The following HMCN2 variants were observed in gnomAD, a reference collection of about 807,000 sequenced individuals.
HMCN2 encodes the protein hemicentin 2.
A neutral mutation model predicts 377.5 loss-of-function variants in HMCN2; 325 were observed. The ratio of observed to expected loss-of-function variants is 0.86; its 90% CI spans 0.79 to 0.94. The LOEUF (loss-of-function observed/expected upper bound fraction) is 0.94. Among genes scored for constraint, HMCN2 ranks in the 40% least tolerant of loss-of-function variants. HMCN2 has a pLI of 0.00. For synonymous variants in HMCN2, 2,007 were observed against 2,046.8 expected (o/e 0.98, Z 0.53); for missense variants, 4,543 against 4,725.3 (o/e 0.96, Z 1.13).
chr9:130,349,102 C>G lies in HMCN2; in HGVS notation c.4274C>G (p.Ala1425Gly). Reference sequence around the variant, plus strand: ...CGGGCAGAGAACCAGGCTGGCACCGCCCAGAGGGACTTCCATCTCCTTGTG... The same window carrying G: ...CGGGCAGAGAACCAGGCTGGCACCGGCCAGAGGGACTTCCATCTCCTTGTG... ...SCRAENQAGTAQRDFHLLVLT... is the reference protein window; with the variant it reads ...SCRAENQAGTGQRDFHLLVLT... Residue 1425 changes from alanine (A) to glycine (G), a missense_variant, in exon 28 of 98, where the codon GCC (alanine) becomes GGC (glycine). This residue lies in a region of HMCN2 where 1,032 missense variants were observed against 1,285.1 expected (regional missense o/e 0.80). Coordinates refer to ENST00000683500, the MANE Select transcript of HMCN2 (RefSeq NM_001291815.2). 3.8e-6 allele frequency: 5 copies of G among 1,304,194 alleles called. No homozygotes were observed. Among genetic ancestry groups the G allele is most frequent in the Non-Finnish European group, 5.1e-6 (5 of 988,928 alleles). 80.8% of individuals were successfully genotyped at this position (1,304,194 alleles called of 1,614,324 possible). A position where few individuals can be genotyped will look rare whatever the true frequency, so the allele number is the denominator to read the frequency against.
In HMCN2 at chr9:130,277,877, CCACCATCATCAT is replaced by C. The variant is rs1554923805; in HGVS notation, c.260-6720_260-6709del. On this transcript the variant is annotated intron_variant, in intron 1 of 97. Transcript: ENST00000683500. ...ACCACCACCATCATCATCATCACCA[CCACCATCATCAT>C]CACCACCACCATCATCATCACCACC... 4.8e-4 allele frequency among the ~76,000 whole-genome samples: 16 copies of C among 33,082 alleles called. 4 individuals are homozygous for C. The highest frequency in any genetic ancestry group is 3.7e-3 in the South Asian group (2 of 534). The allele number at this position is 33,082 out of a possible 152,430, so 21.7% of individuals were successfully genotyped here.
intron 32 of HMCN2, among the ~76,000 whole-genome samples, chr9:130,355,280 C>T (rs1839966469): frequency 6.6e-6 from 1 of 152,192 alleles, no homozygotes; most frequent in Non-Finnish European, 1.5e-5. Flanking sequence ...GCCCAGGACC[C>T]TGGGCTGGGT....
In HMCN2 at chr9:130,388,465, C is replaced by T. The variant is rs1842130169; in HGVS notation, c.9448C>T (p.Pro3150Ser). The change falls in exon 62 of 98, where the codon CCC (proline) becomes TCC (serine). Residue 3150 changes from proline (P) to serine (S), a missense_variant. Physicochemically the swap from Pro to Ser is moderately conservative, Grantham distance 74. Transcript: ENST00000683500. ...TETVSQVAGS[P>S]LVLTCDVSGV... Reference sequence around the variant, plus strand: ...GACAGTGAGCCAGGTGGCTGGGAGCCCCCTGGTCCTGACCTGTGATGTGTC... The same window carrying T: ...GACAGTGAGCCAGGTGGCTGGGAGCTCCCTGGTCCTGACCTGTGATGTGTC... 1.0e-6 allele frequency: 1 copy of T among 987,996 alleles called. No individual in the cohort carries two copies. Among genetic ancestry groups the T allele is most frequent in the Non-Finnish European group, 1.2e-6 (1 of 830,126 alleles). The allele number at this position is 987,996 out of a possible 1,614,324, so 61.2% of individuals were successfully genotyped here.
Position 130,362,874 on chromosome 9 carries a change from C to G in HMCN2, c.6116C>G (p.Pro2039Arg). The G allele has an allele frequency of 2.0e-6, 2 of 985,912 alleles. No individual in the cohort carries two copies. The highest frequency in any genetic ancestry group is 2.4e-6 in the Non-Finnish European group (2 of 829,956). 61.1% of individuals were successfully genotyped at this position (985,912 alleles called of 1,614,324 possible). ...PAGTPGLQVF[P>R]GGRVLTLASA... ...TTCCCCCTGGGGTCACAGGTCTTCC[C>G]TGGGGGCCGGGTCCTCACCTTGGCT... Residue 2039 changes from proline to arginine, a missense_variant, in exon 40 of 98, where the codon CCT becomes CGT. Physicochemically the swap from Pro to Arg is moderately radical, Grantham distance 103. This residue lies in a region of HMCN2 where 1,032 missense variants were observed against 1,285.1 expected (regional missense o/e 0.80). Coordinates refer to ENST00000683500, the MANE Select transcript of HMCN2 (RefSeq NM_001291815.2).
chr9:130,383,462 G>A (rs1841842477), intron 56 of HMCN2, 42 bp from the exon 57 acceptor site: 1 of 910,906 alleles, frequency 1.1e-6, no homozygotes, highest in Non-Finnish European at 1.3e-6. Context: ...GGTGTCCAAG[G>A]GGTCTCAGGT....
intron 8 of HMCN2, among the ~76,000 whole-genome samples, chr9:130,301,382 C>G (rs1564763161): frequency 6.6e-6 from 1 of 152,238 alleles, no homozygotes; most frequent in African/African-American, 2.4e-5. Flanking sequence ...TGTTCTCTAT[C>G]TCAGCTCTAG....
At chr9:130,322,135 A>G (rs1289734540) in intron 19 of HMCN2, among the ~76,000 whole-genome samples, 1 of 152,128 alleles carries the variant, frequency 6.6e-6, no homozygotes, top group Non-Finnish European at 1.5e-5. Context: ...CAGATTTTGC[A>G]TTTTGGCATG....
intron 83 of HMCN2, 88 bp downstream of exon 83, chr9:130,407,793 T>C: frequency 9.7e-7 from 1 of 1,031,690 alleles, no homozygotes; most frequent in Non-Finnish European, 1.2e-6. Flanking sequence ...CCCAGCCTCC[T>C]GTCCTCTGAA....
rs1035835041 is a variant in HMCN2, at chr9:130,376,538, C to T, written c.7941C>T (p.Asp2647=). ...EVLIPPSISK[D]DPLAEVGVKE... is the part of the protein sequence containing the mutation. ...CAGTCCCCCCTTCCATCTCCAAAGA[C>T]GACCCCTTGGCGGAGGTCGGCGTGA... Residue 2647 remains aspartate, a synonymous_variant, in exon 52 of 98, where the codon GAC becomes GAT. Transcript: ENST00000683500. The T allele has an allele frequency of 1.1e-5, 11 of 985,774 alleles. No homozygotes were observed. Among genetic ancestry groups the T allele is most frequent in the Admixed American group, 6.1e-5 (1 of 16,268 alleles). 61.1% of individuals were successfully genotyped at this position (985,774 alleles called of 1,614,324 possible). A position where few individuals can be genotyped will look rare whatever the true frequency, so the allele number is the denominator to read the frequency against.
Position 130,328,222 on chromosome 9 carries a change from G to T in HMCN2, c.3359+747G>T, listed in dbSNP as rs1039713273. On this transcript the variant is annotated intron_variant, in intron 22 of 97. Coordinates refer to ENST00000683500, the MANE Select transcript of HMCN2 (RefSeq NM_001291815.2). ...CAATCCTTGCAGCCGGGCACCCCTA[G>T]AGGTGGCGGGGACCCAGGGAGCCGG... 1.4e-3 allele frequency among the ~76,000 whole-genome samples: 210 copies of T among 152,336 alleles called. 2 individuals carry two copies. Among genetic ancestry groups the T allele is most frequent in the African/African-American group, 4.7e-3 (194 of 41,584 alleles).
intron 4 of HMCN2, among the ~76,000 whole-genome samples, chr9:130,292,012 C>A (rs1378246241): frequency 2.2e-5 from 3 of 133,598 alleles, no homozygotes; most frequent in African/African-American, 8.8e-5. Flanking sequence ...CTTGTGGTGG[C>A]ATTCACTTTT....
chr9:130,316,729 G>T (rs1339883957), intron 15 of HMCN2, among the ~76,000 whole-genome samples: 1 of 152,224 alleles, frequency 6.6e-6, no homozygotes, highest in Non-Finnish European at 1.5e-5. Context: ...CGGTGGCCAT[G>T]GAACCAGCTC....
At position 130,395,017 on chromosome 9, in the gene HMCN2, C is replaced by A; in HGVS notation, c.10693-10C>A. The A allele has an allele frequency of 3.1e-6, 4 of 1,282,144 alleles. No individual in the cohort carries two copies. Among genetic ancestry groups the A allele is most frequent in the Non-Finnish European group, 4.1e-6 (4 of 984,264 alleles). 79.4% of individuals were successfully genotyped at this position (1,282,144 alleles called of 1,614,324 possible). On this transcript the variant is annotated splice_polypyrimidine_tract_variant and intron_variant, in intron 69 of 97. Transcript: ENST00000683500. Reference sequence around the variant, plus strand: ...GCCAGGGGCAGCTGCTCAACCCGCTCCATCCCCAGGTTAGGGATGCTGGGC... The same window carrying A: ...GCCAGGGGCAGCTGCTCAACCCGCTACATCCCCAGGTTAGGGATGCTGGGC...
intron 19 of HMCN2, among the ~76,000 whole-genome samples, chr9:130,324,568 GTTTA>G (rs1232430968): frequency 1.5e-4 from 23 of 152,138 alleles, no homozygotes; most frequent in African/African-American, 5.5e-4. Flanking sequence ...TCTTGGTGGT[GTTTA>G]TTTGTTTTAT....
At position 130,423,266 on chromosome 9, in the gene HMCN2, G is replaced by A. The variant is rs1163059918; in HGVS notation, c.13381+540G>A. Among the ~76,000 whole-genome samples the A allele has an allele frequency of 6.6e-6, 1 of 152,210 alleles. No individual in the cohort carries two copies. The highest frequency in any genetic ancestry group is 1.5e-5 in the Non-Finnish European group (1 of 68,036). ...GCTCTGAGAGACTTGCAGAGCTTGTGACAGTGGACGTCACTGTCTCTCCCT... is the reference window on the plus strand; with the variant it reads ...GCTCTGAGAGACTTGCAGAGCTTGTAACAGTGGACGTCACTGTCTCTCCCT... On this transcript the variant is annotated intron_variant, in intron 87 of 97. Coordinates refer to ENST00000683500, the MANE Select transcript of HMCN2 (RefSeq NM_001291815.2). This position sits in a 1 kb window ranked among gnomAD's most constrained non-coding sequence, Gnocchi z 5.5.
intron 36 of HMCN2, 47 bp downstream of exon 36, chr9:130,358,533 A>G (rs1441422378): frequency 7.7e-7 from 1 of 1,303,630 alleles, no homozygotes; most frequent in Non-Finnish European, 1.0e-6. Context: ...ATGTTGGGTG[A>G]TCCCTTGGGG....
rs1335349258 is a variant in HMCN2, at chr9:130,404,960, G to A, written c.12240G>A (p.Glu4080=). ...CTTGCAAGGCGAGGGGCAGTCCTGA[G>A]CCCAACATCACCTGGGACAAAGATG... ...FLPCKARGSP[E]PNITWDKDGQ... The change falls in exon 81 of 98, where the codon GAG becomes GAA. Residue 4080 remains glutamate (E), a synonymous_variant. Coordinates refer to ENST00000683500, the MANE Select transcript of HMCN2 (RefSeq NM_001291815.2). 1 of 1,289,506 alleles carries A rather than the reference G, an allele frequency of 7.8e-7. No homozygotes were observed. Among genetic ancestry groups the A allele is most frequent in the Non-Finnish European group, 1.0e-6 (1 of 988,724 alleles). 79.9% of individuals were successfully genotyped at this position (1,289,506 alleles called of 1,614,324 possible).
In HMCN2 at chr9:130,318,665, A is replaced by G. The variant is rs957437858; in HGVS notation, c.2351-830A>G. Among the ~76,000 whole-genome samples the G allele has an allele frequency of 5.9e-5, 9 of 152,216 alleles. No individual in the cohort carries two copies. The South Asian group carries it at 1.5e-3, about 25-fold the overall frequency. ...TTAGGGGAATCTCTGCCCTTTGTGT[A>G]TTATTAGAATGTCTTATAACTCCTG... On this transcript the variant is annotated intron_variant, in intron 15 of 97. Transcript: ENST00000683500.
At position 130,374,595 on chromosome 9, in the gene HMCN2, A is replaced by C; in HGVS notation, c.7532A>C (p.Gln2511Pro). 1 of 985,792 alleles carries C rather than the reference A, an allele frequency of 1.0e-6. No homozygotes were observed. The highest frequency in any genetic ancestry group is 1.2e-6 in the Non-Finnish European group (1 of 829,946). 61.1% of individuals were successfully genotyped at this position (985,792 alleles called of 1,614,324 possible). Reference sequence around the variant, plus strand: ...ATCTCCCCAGACGGAGTCCTCCTGCAGGTCCTCCAGGCAAACCTGTCCAGT... The same window carrying C: ...ATCTCCCCAGACGGAGTCCTCCTGCCGGTCCTCCAGGCAAACCTGTCCAGT... ...HHISPDGVLLQVLQANLSSAG... is the reference protein window; with the variant it reads ...HHISPDGVLLPVLQANLSSAG... Residue 2511 changes from glutamine to proline, a missense_variant, in exon 49 of 98, where the codon CAG (glutamine) becomes CCG (proline). Physicochemically the swap from Gln to Pro is moderately conservative, Grantham distance 76. Coordinates refer to ENST00000683500, the MANE Select transcript of HMCN2 (RefSeq NM_001291815.2).
Sources: gnomAD v4.1 joint callset for allele counts (sites outside exome capture counted in the v4.1 genomes callset) on GRCh38, gnomAD v4.1.1 for gene constraint, gnomAD v4.1.1 regional missense constraint, Gnocchi (gnomAD v3.1) non-coding constraint, MANE v1.5 for transcripts, NCBI Gene and HGNC (gene_info 2026-07-23, HGNC 2026-07-21) for gene names.